FHL2: variants seen among roughly 807,000 people sequenced by gnomAD.
The protein encoded by FHL2 is four and a half LIM domains 2, also known as four and a half LIM domains protein 2.
Under a neutral mutation model 32.7 loss-of-function variants are expected in FHL2, and 20 were observed. The ratio of observed to expected loss-of-function variants is 0.61; its 90% confidence interval spans 0.43 to 0.89. The LOEUF is 0.89. Among genes scored for constraint, FHL2 ranks in the 40% least tolerant of loss-of-function variants. FHL2 has a pLI of 0.00. For missense variants in FHL2, 311 were observed against 358.6 expected (o/e 0.87, Z 1.07); for synonymous variants, 123 against 128.1 (o/e 0.96, Z 0.27).
At chr2:105,381,718 G>A (rs935236203) in intron 3 of FHL2, among the ~76,000 whole-genome samples, 28 of 152,066 alleles carry the variant, frequency 1.8e-4, no homozygotes, top group Admixed American at 1.2e-3. Flanking sequence ...AAATAAATAC[G>A]CGTTTTCAGT....
intron 2 of FHL2, among the ~76,000 whole-genome samples, chr2:105,392,284 G>A (rs1364109630): frequency 6.6e-6 from 1 of 152,112 alleles, no homozygotes; most frequent in African/African-American, 2.4e-5. Context: ...ACCAGCCTGG[G>A]CAACATGGAG....
chr2:105,420,936 G>A (rs111473817), intron 1 of FHL2, among the ~76,000 whole-genome samples: 10 of 152,134 alleles, frequency 6.6e-5, no homozygotes, highest in South Asian at 2.1e-4. Flanking sequence ...ACCAAGTACC[G>A]GTCTATGGCC....
intron 1 of FHL2, among the ~76,000 whole-genome samples, chr2:105,405,510 C>T (rs1344048867): frequency 6.6e-6 from 1 of 152,196 alleles, no homozygotes; most frequent in Non-Finnish European, 1.5e-5. Flanking sequence ...TTCCCTGATT[C>T]AAGTGATTCC....
intron 5 of FHL2, among the ~76,000 whole-genome samples, chr2:105,365,116 G>A (rs1256724164): frequency 1.3e-5 from 2 of 152,140 alleles, no homozygotes; most frequent in Non-Finnish European, 2.9e-5. Context: ...CAATGCCTCT[G>A]AGCATAGCAT....
intron 6 of FHL2, chr2:105,363,033 A>G (rs1200032782): frequency 4.2e-6 from 2 of 470,742 alleles, no homozygotes; most frequent in South Asian, 3.2e-5. Context: ...AATCCAACCC[A>G]AAGCAGAAAC....
At position 105,398,901 on chromosome 2, in the gene FHL2, C is replaced by T. The variant is rs1443384924; in HGVS notation, c.-135G>A. ...TTGGGTCTCGCACCGGATTCGGCCC[C>T]CACTTCCGAGCCCTGGTGGCTAAGC... On this transcript the variant is annotated 5_prime_UTR_variant, in exon 1 of 7. Coordinates refer to ENST00000530340, the MANE Select transcript of FHL2 (RefSeq NM_001318895.3). The T allele has an allele frequency of 6.5e-7, 1 of 1,533,112 alleles. No homozygotes were observed. The highest frequency in any genetic ancestry group is 2.1e-5 in the Admixed American group (1 of 48,710). The allele number at this position is 1,533,112 out of a possible 1,614,324, so 95.0% of individuals were successfully genotyped here.
chr2:105,377,001 G>A (rs920045283), intron 3 of FHL2, among the ~76,000 whole-genome samples: 1 of 152,222 alleles, frequency 6.6e-6, no homozygotes, highest in African/African-American at 2.4e-5. Context: ...AAGAGTGGTT[G>A]CCAGGGGCTG....
At chr2:105,399,762 G>A, upstream of FHL2, 1 of 791,514 alleles carries the variant, frequency 1.3e-6, no homozygotes, top group South Asian at 1.9e-5. Flanking sequence ...CATTGTCGCA[G>A]GGAGAGCACA....
At chr2:105,428,786 C>G (rs1684337799) in intron 1 of FHL2, among the ~76,000 whole-genome samples, 1 of 152,216 alleles carries the variant, frequency 6.6e-6, no homozygotes, top group African/African-American at 2.4e-5. Context: ...TTACCTGCTC[C>G]TCTTACTGTG....
At chr2:105,389,091 T>C (rs1682537057) in intron 2 of FHL2, among the ~76,000 whole-genome samples, 6 of 152,232 alleles carry the variant, frequency 3.9e-5, no homozygotes, top group Admixed American at 3.9e-4. Context: ...TATTTCTGTG[T>C]TTACAGAATA....
chr2:105,418,958 GACTATCC>G (rs1301082851), intron 1 of FHL2, among the ~76,000 whole-genome samples: 6 of 152,174 alleles, frequency 3.9e-5, no homozygotes, highest in Admixed American at 2.0e-4. Flanking sequence ...CAGGGTTTGG[GACTATCC>G]ACAGTTTCAG....
At chr2:105,375,209 G>C (rs1681383451) in intron 3 of FHL2, 1 of 152,054 alleles carries the variant, frequency 6.6e-6, no homozygotes, top group Admixed American at 6.6e-5. Flanking sequence ...CCGGAACCTG[G>C]AACCAAACTA....
chr2:105,422,365 G>A (rs1043575557), intron 1 of FHL2, among the ~76,000 whole-genome samples: 2 of 152,152 alleles, frequency 1.3e-5, no homozygotes, highest in Non-Finnish European at 2.9e-5. Context: ...AATTGCAGGG[G>A]CCCTATGTGG....
intron 1 of FHL2, among the ~76,000 whole-genome samples, chr2:105,416,981 C>T (rs1469391800): frequency 6.6e-6 from 1 of 152,216 alleles, no homozygotes; most frequent in Non-Finnish European, 1.5e-5. Flanking sequence ...TTGTTGAACT[C>T]ACGACTTGGG....
intron 3 of FHL2, chr2:105,386,000 C>T (rs562218093): frequency 4.1e-5 from 16 of 392,826 alleles, no homozygotes; most frequent in Admixed American, 1.7e-4. Flanking sequence ...ACAGCACCTG[C>T]TCCACGTTAC....
At chr2:105,400,200 A>G (rs1683414728), upstream of FHL2, among the ~76,000 whole-genome samples, 1 of 152,162 alleles carries the variant, frequency 6.6e-6, no homozygotes, top group South Asian at 2.1e-4. Flanking sequence ...GGCCACGTGA[A>G]CGGTAACTGT....
chr2:105,433,826 T>A (rs949159101), intron 1 of FHL2, among the ~76,000 whole-genome samples: 1 of 152,362 alleles, frequency 6.6e-6, no homozygotes, highest in South Asian at 2.1e-4. Context: ...AGATTCTTTA[T>A]GAAAATGATT....
chr2:105,404,247 C>T (rs1330705059), intron 1 of FHL2, among the ~76,000 whole-genome samples: 1 of 152,256 alleles, frequency 6.6e-6, no homozygotes, highest in Non-Finnish European at 1.5e-5. Context: ...TCCTCCCACT[C>T]AAACCTTGGC....
In FHL2 at chr2:105,367,747, C is replaced by G. The variant is rs1454553336; in HGVS notation, c.332-8G>C. 1 of 1,612,360 alleles carries G rather than the reference C, an allele frequency of 6.2e-7. No individual in the cohort carries two copies. Among genetic ancestry groups the G allele is most frequent in the Non-Finnish European group, 8.5e-7 (1 of 1,179,066 alleles). On this transcript the variant is annotated splice_polypyrimidine_tract_variant and splice_region_variant and intron_variant, in intron 4 of 6. Coordinates refer to ENST00000530340, the MANE Select transcript of FHL2 (RefSeq NM_001318895.3). ...ACTCCATCTTGCGGGTACCTGTCATCAGGGTCAAGAGGAACACAGCAGAGT... is the reference window on the plus strand; with the variant it reads ...ACTCCATCTTGCGGGTACCTGTCATGAGGGTCAAGAGGAACACAGCAGAGT...
Sources: allele counts gnomAD v4.1 joint callset (sites outside exome capture counted in the v4.1 genomes callset), GRCh38; gene constraint gnomAD v4.1.1; transcripts MANE v1.5; gene names NCBI Gene and HGNC (gene_info 2026-07-23, HGNC 2026-07-21).